Variants in BICD1 observed in about 807,000 individuals in gnomAD.
BICD1 encodes the protein BICD cargo adaptor 1.
A neutral mutation model predicts 92.5 loss-of-function variants in BICD1; 35 were observed. That is an observed-to-expected ratio of 0.38 (90% CI 0.29 to 0.50). The LOEUF is 0.50. BICD1 is among the 20% of genes least tolerant of loss of function. BICD1 has a pLI of 0.93. For synonymous variants in BICD1, 429 were observed against 465.1 expected, an observed-to-expected ratio of 0.92 and a Z score of 1.00; for missense variants, 950 against 1,189.8, an observed-to-expected ratio of 0.80 and a Z score of 2.97.
chr12:32,129,343 G>C (rs1249339801), intron 1 of BICD1, among the ~76,000 whole-genome samples: 1 of 151,314 alleles, frequency 6.6e-6, no homozygotes, highest in Non-Finnish European at 1.5e-5. Flanking sequence ...GGCCAACATA[G>C]TGAAATCCTG....
At chr12:32,154,119 A>G (rs2121452070) in intron 1 of BICD1, among the ~76,000 whole-genome samples, 1 of 152,242 alleles carries the variant, frequency 6.6e-6, no homozygotes, top group East Asian at 1.9e-4. Flanking sequence ...AAAACAGACA[A>G]AAGACTCACC....
Position 32,230,399 on chromosome 12 carries a change from C to CAAATAAAT in BICD1, c.426+13979_426+13986dup, listed in dbSNP as rs535189097. 4.4e-3 allele frequency among the ~76,000 whole-genome samples: 584 copies of CAAATAAAT among 133,286 alleles called. 1 individual carries two copies. The highest frequency in any genetic ancestry group is 7.3e-3 in the Middle Eastern group (2 of 274). 87.4% of individuals were successfully genotyped at this position (133,286 alleles called of 152,430 possible). A position where few individuals can be genotyped will look rare whatever the true frequency, so the allele number is the denominator to read the frequency against. On this transcript the variant is annotated intron_variant, in intron 2 of 9. Transcript: ENST00000652176. ...TAGGCAACAGAATGAGACCCTGTCTCAAATAAATAAATAAATAAATAAATA... is the reference window on the plus strand; with the variant it reads ...TAGGCAACAGAATGAGACCCTGTCTCAAATAAATAAATAAATAAATAAATAAATAAATA...
rs992974988 is a variant in BICD1, at chr12:32,345,249, C to T, written c.2764+6270C>T. On this transcript the variant is annotated intron_variant, in intron 8 of 9. Coordinates refer to ENST00000652176, the MANE Select transcript of BICD1 (RefSeq NM_001714.4). Reference sequence around the variant, plus strand: ...GCTGCAGTGAGCCACTGCACTCCAGCGAGTGATGGAGTGAGACCCTGTCTC... The same window carrying T: ...GCTGCAGTGAGCCACTGCACTCCAGTGAGTGATGGAGTGAGACCCTGTCTC... Among the ~76,000 whole-genome samples the T allele has an allele frequency of 9.0e-5, 13 of 144,176 alleles. No individual in the cohort carries two copies. The East Asian group carries it at 1.8e-3, about 20-fold the overall frequency. The allele number at this position is 144,176 out of a possible 152,430, so 94.6% of individuals were successfully genotyped here.
At chr12:32,207,883 A>G (rs1011320222) in intron 1 of BICD1, among the ~76,000 whole-genome samples, 2 of 152,198 alleles carry the variant, frequency 1.3e-5, no homozygotes, top group Admixed American at 6.5e-5. Flanking sequence ...TTCACAAATG[A>G]GTAGGGAGCT....
At position 32,197,196 on chromosome 12, in the gene BICD1, G is replaced by A. The variant is rs554920225; in HGVS notation, c.214-19051G>A. Reference sequence around the variant, plus strand: ...ACTGATTTTTGTATTTTTGGTAGAGGCGGGGTTTCACCATGTTGGCCAGGC... The same window carrying A: ...ACTGATTTTTGTATTTTTGGTAGAGACGGGGTTTCACCATGTTGGCCAGGC... On this transcript the variant is annotated intron_variant, in intron 1 of 9. Coordinates refer to ENST00000652176, the MANE Select transcript of BICD1 (RefSeq NM_001714.4). Among the ~76,000 whole-genome samples the A allele has an allele frequency of 1.9e-3, 282 of 151,942 alleles. 1 individual carries two copies. Among genetic ancestry groups the A allele is most frequent in the African/African-American group, 6.5e-3 (271 of 41,460 alleles).
At chr12:32,271,728 AC>A (rs1278551995) in intron 2 of BICD1, among the ~76,000 whole-genome samples, 20 of 151,910 alleles carry the variant, frequency 1.3e-4, no homozygotes. Context: ...CTCCTGGGTG[AC>A]CCTCCTCAAA....
chr12:32,371,508 A>G (rs1444392062), intron 9 of BICD1, among the ~76,000 whole-genome samples: 1 of 152,190 alleles, frequency 6.6e-6, no homozygotes, highest in Non-Finnish European at 1.5e-5. Flanking sequence ...ACAGCCTTCC[A>G]TAAGGGATAA....
intron 8 of BICD1, among the ~76,000 whole-genome samples, chr12:32,363,597 T>G (rs1396492913): frequency 8.5e-6 from 1 of 117,064 alleles, no homozygotes; most frequent in Non-Finnish European, 1.9e-5. Flanking sequence ...ATGTTAGATG[T>G]CAGCCTAGAT....
intron 2 of BICD1, among the ~76,000 whole-genome samples, chr12:32,222,938 A>T (rs1436488563): frequency 6.6e-6 from 1 of 152,202 alleles, no homozygotes; most frequent in Non-Finnish European, 1.5e-5. Context: ...CAGAACTGTG[A>T]TCAATAAATT....
intron 1 of BICD1, among the ~76,000 whole-genome samples, chr12:32,194,733 A>G (rs1944677213): frequency 6.6e-6 from 1 of 152,058 alleles, no homozygotes; most frequent in South Asian, 2.1e-4. Flanking sequence ...AATACAAAAA[A>G]TTAGCCGGGC....
At chr12:32,107,597 A>G (rs896869629) in intron 1 of BICD1, 53 bp downstream of exon 1, 1 of 1,512,664 alleles carries the variant, frequency 6.6e-7, no homozygotes, top group East Asian at 2.4e-5. Context: ...CCCACCCGCA[A>G]GGCCCACTCA....
chr12:32,383,632 C>T lies in BICD1; in HGVS notation c.*6005C>T, dbSNP rs896114645. On this transcript the variant is annotated 3_prime_UTR_variant, in exon 10 of 10. Coordinates refer to ENST00000652176, the MANE Select transcript of BICD1 (RefSeq NM_001714.4). Reference sequence around the variant, plus strand: ...TAAACTGGTTATTTTTTGTTCATTTCATTAATGCTGCCTTTTTATCAATTT... The same window carrying T: ...TAAACTGGTTATTTTTTGTTCATTTTATTAATGCTGCCTTTTTATCAATTT... 6.6e-6 allele frequency: 1 copy of T among 152,080 alleles called. No homozygotes were observed. The highest frequency in any genetic ancestry group is 1.5e-5 in the Non-Finnish European group (1 of 68,000). The allele number at this position is 152,080 out of a possible 1,614,324, so 9.4% of individuals were successfully genotyped here.
At chr12:32,298,787 T>C (rs1400964201) in intron 3 of BICD1, among the ~76,000 whole-genome samples, 1 of 149,468 alleles carries the variant, frequency 6.7e-6, no homozygotes, top group Non-Finnish European at 1.5e-5. Flanking sequence ...GGAGAATCGC[T>C]TGAACCTGGG....
chr12:32,214,967 GC>G (rs1945309989), intron 1 of BICD1, among the ~76,000 whole-genome samples: 1 of 152,142 alleles, frequency 6.6e-6, no homozygotes, highest in Non-Finnish European at 1.5e-5. Flanking sequence ...GGTGGCTCAT[GC>G]CTGTAATCCC....
intron 2 of BICD1, among the ~76,000 whole-genome samples, chr12:32,289,141 C>T (rs185065703): frequency 4.3e-4 from 66 of 152,222 alleles, no homozygotes; most frequent in African/African-American, 1.5e-3. Context: ...GATTGAGGGG[C>T]AGAGTGGTTG....
At chr12:32,265,388 T>C (rs766031035) in intron 2 of BICD1, among the ~76,000 whole-genome samples, 4 of 152,114 alleles carry the variant, frequency 2.6e-5, no homozygotes, top group Non-Finnish European at 5.9e-5. Flanking sequence ...ACTAAGACTT[T>C]CACATCAATT....
At chr12:32,111,986 T>TG (rs953020602) in intron 1 of BICD1, among the ~76,000 whole-genome samples, 6 of 149,714 alleles carry the variant, frequency 4.0e-5, no homozygotes, top group East Asian at 2.0e-4. Flanking sequence ...CCAGTTGCTC[T>TG]AACTTGCACT....
At chr12:32,110,795 C>G (rs1373545018) in intron 1 of BICD1, among the ~76,000 whole-genome samples, 4 of 133,856 alleles carry the variant, frequency 3.0e-5, no homozygotes, top group Admixed American at 9.2e-5. Context: ...AATGAGAACA[C>G]ATGGACACAG....
At chr12:32,200,371 G>A (rs546375910) in intron 1 of BICD1, among the ~76,000 whole-genome samples, 80 of 152,320 alleles carry the variant, frequency 5.3e-4, no homozygotes, top group African/African-American at 1.9e-3. Context: ...GCTGGATGAT[G>A]GTTTGCTCTA....
Sources: allele counts gnomAD v4.1 joint callset (sites outside exome capture counted in the v4.1 genomes callset), GRCh38; gene constraint gnomAD v4.1.1; transcripts MANE v1.5; gene names NCBI Gene and HGNC (gene_info 2026-07-23, HGNC 2026-07-21).